The following HCN1 variants were observed in gnomAD, a reference collection of about 807,000 sequenced individuals.
HCN1 encodes the protein potassium/sodium hyperpolarization-activated cyclic nucleotide-gated channel 1.
HCN1 carries 13 observed loss-of-function variants against 78.9 expected under a neutral mutation model. The observed-to-expected ratio is 0.16, with a 90% CI of 0.11 to 0.26. The LOEUF is 0.26. HCN1 is among the 10% of genes least tolerant of loss of function. The pLI is 1.00. For synonymous variants in HCN1, 552 were observed against 455.5 expected, an observed-to-expected ratio of 1.21 and a Z score of -2.70; for missense variants, 810 against 1,154.3, an observed-to-expected ratio of 0.70 and a Z score of 4.32.
intron 3 of HCN1, among the ~76,000 whole-genome samples, chr5:45,401,154 G>T (rs1186973684): frequency 2.6e-5 from 4 of 152,044 alleles, no homozygotes; most frequent in African/African-American, 9.7e-5. Flanking sequence ...TTTTCAGTTT[G>T]ATTTTAAAAT....
chr5:45,303,827 A>G lies in HCN1; in HGVS notation c.1390T>C (p.Phe464Leu). Residue 464 changes from phenylalanine to leucine, a missense_variant, in exon 6 of 8, where the codon TTC becomes CTC. This residue lies in a region of HCN1 where 100 missense variants were observed against 126.8 expected (regional missense o/e 0.79). Transcript: ENST00000303230. ...GTAGCCACCAGTTTCCGACAGTTGA[A>G]GTTGACTATCTCCTAAAGATGTCAA... is the stretch of plus-strand genomic sequence containing the variant. ...NDPLREEIVN[F>L]NCRKLVATMP... 6.2e-7 allele frequency: 1 copy of G among 1,613,198 alleles called. No homozygotes were observed. Among genetic ancestry groups the G allele is most frequent in the African/African-American group, 1.3e-5 (1 of 75,012 alleles).
At position 45,262,056 on chromosome 5, in the gene HCN1, C is replaced by T. The variant is rs1744751166; in HGVS notation, c.2538G>A (p.Ser846=). The change falls in exon 8 of 8, where the codon TCG becomes TCA. Residue 846 remains serine (S), a synonymous_variant. Transcript: ENST00000303230. ...CTCGGTTCGGGGGGATGGCTCCCGA[C>T]GACATCTGTCGGAAGAGGGTGACGC... ...PQRVTLFRQM[S]SGAIPPNRGV... is the part of the protein sequence containing the mutation. The T allele has an allele frequency of 6.2e-7, 1 of 1,613,872 alleles. No homozygotes were observed. The highest frequency in any genetic ancestry group is 8.5e-7 in the Non-Finnish European group (1 of 1,180,000).
chr5:45,574,308 T>C (rs1342705679), intron 2 of HCN1, among the ~76,000 whole-genome samples: 1 of 152,150 alleles, frequency 6.6e-6, no homozygotes, highest in East Asian at 1.9e-4. Flanking sequence ...TTTGGTAATA[T>C]TCATAATATT....
chr5:45,415,575 GTT>G (rs1353340024), intron 3 of HCN1, among the ~76,000 whole-genome samples: 2 of 152,034 alleles, frequency 1.3e-5, no homozygotes, highest in Non-Finnish European at 2.9e-5. Flanking sequence ...GACTCAGTGT[GTT>G]TTCTGGTCTC....
At chr5:45,417,313 T>C (rs893959468) in intron 3 of HCN1, among the ~76,000 whole-genome samples, 5 of 152,026 alleles carry the variant, frequency 3.3e-5, no homozygotes, top group Non-Finnish European at 1.5e-5. Flanking sequence ...TATTTTAGTA[T>C]GTTAAAAAAA....
Position 45,418,084 on chromosome 5 carries a change from T to A in HCN1, c.1012-21374A>T, listed in dbSNP as rs146232330. Among the ~76,000 whole-genome samples the A allele has an allele frequency of 3.2e-4, 48 of 151,966 alleles. 1 individual carries two copies. The East Asian group carries it at 7.2e-3, about 23-fold the overall frequency. On this transcript the variant is annotated intron_variant, in intron 3 of 7. Coordinates refer to ENST00000303230, the MANE Select transcript of HCN1 (RefSeq NM_021072.4). ...GTACCTAAAATAATAAAGTGGCAAT[T>A]TTCTGAGAATTAAATTTTAGGAAAA...
At chr5:45,438,695 A>T (rs1205046109) in intron 3 of HCN1, among the ~76,000 whole-genome samples, 6 of 152,192 alleles carry the variant, frequency 3.9e-5, no homozygotes, top group Non-Finnish European at 8.8e-5. Flanking sequence ...AGTGAGTGAT[A>T]TTAACTACTC....
At chr5:45,482,476 T>G (rs980115168) in intron 2 of HCN1, among the ~76,000 whole-genome samples, 2 of 151,918 alleles carry the variant, frequency 1.3e-5, no homozygotes, top group Admixed American at 1.3e-4. Flanking sequence ...GAAAGAAAAA[T>G]AGCAAAAAGA....
chr5:45,270,164 C>T lies in HCN1; in HGVS notation c.1619-2911G>A, dbSNP rs566666410. On this transcript the variant is annotated intron_variant, in intron 6 of 7. Coordinates refer to ENST00000303230, the MANE Select transcript of HCN1 (RefSeq NM_021072.4). ...GTTGATAGCAACAACTACACACATT[C>T]ATATACTCACACAACAGCATCCAAA... is the stretch of plus-strand genomic sequence containing the variant. Among the ~76,000 whole-genome samples the T allele has an allele frequency of 2.0e-5, 3 of 152,318 alleles. No individual in the cohort carries two copies. In the East Asian group the frequency reaches 5.8e-4, roughly 29 times the overall value.
chr5:45,448,640 T>C (rs745845670), intron 3 of HCN1, among the ~76,000 whole-genome samples: 1 of 152,198 alleles, frequency 6.6e-6, no homozygotes, highest in Non-Finnish European at 1.5e-5. Context: ...TTTTCTGCCA[T>C]TGTTCTGTTA....
intron 2 of HCN1, among the ~76,000 whole-genome samples, chr5:45,638,676 G>A (rs1745398713): frequency 1.3e-5 from 2 of 152,190 alleles, no homozygotes; most frequent in Admixed American, 6.5e-5. Context: ...GCCAAGGTGG[G>A]CAGATCACCT....
At chr5:45,494,661 T>C (rs1042618062) in intron 2 of HCN1, among the ~76,000 whole-genome samples, 3 of 152,048 alleles carry the variant, frequency 2.0e-5, no homozygotes, top group Non-Finnish European at 4.4e-5. Context: ...GTTTTAGACA[T>C]GAAGTCCTTG....
At chr5:45,657,159 T>C (rs2112049962) in intron 1 of HCN1, among the ~76,000 whole-genome samples, 1 of 152,288 alleles carries the variant, frequency 6.6e-6, no homozygotes, top group East Asian at 1.9e-4. Context: ...ACTGAGTTTC[T>C]TTAATTTTCT....
At chr5:45,576,030 G>C (rs899091093) in intron 2 of HCN1, 1 of 151,924 alleles carries the variant, frequency 6.6e-6, no homozygotes, top group Non-Finnish European at 1.5e-5. Context: ...GATGGGAGGA[G>C]GTCAAAATAT....
chr5:45,343,561 T>A (rs1232570292), intron 5 of HCN1, among the ~76,000 whole-genome samples: 1 of 152,162 alleles, frequency 6.6e-6, no homozygotes, highest in Non-Finnish European at 1.5e-5. Context: ...AGGGCTAAAG[T>A]TTTACATTCC....
intron 2 of HCN1, among the ~76,000 whole-genome samples, chr5:45,577,181 C>A (rs539741240): frequency 6.6e-6 from 1 of 151,944 alleles, no homozygotes; most frequent in Non-Finnish European, 1.5e-5. Context: ...TAAAATTATT[C>A]TTGTTTTCAA....
intron 2 of HCN1, among the ~76,000 whole-genome samples, chr5:45,615,120 C>T (rs932380315): frequency 6.6e-6 from 1 of 151,978 alleles, no homozygotes; most frequent in Non-Finnish European, 1.5e-5. Flanking sequence ...GATTTCACTG[C>T]TTTCATTCTA....
At chr5:45,425,325 A>T (rs1426667706) in intron 3 of HCN1, among the ~76,000 whole-genome samples, 2 of 152,218 alleles carry the variant, frequency 1.3e-5, no homozygotes, top group Admixed American at 1.3e-4. Flanking sequence ...ATACCAAGAA[A>T]TTCATTTATT....
rs199622227 is a variant in HCN1, at chr5:45,645,308, T to G, written c.726A>C (p.Gly242=). The change falls in exon 2 of 8, where the codon GGA becomes GGC. Residue 242 remains glycine (G), a synonymous_variant. Coordinates refer to ENST00000303230, the MANE Select transcript of HCN1 (RefSeq NM_021072.4). ...VDYIFLIVEK[G]MDSEVYKTAR... ...CTGTCTTGTAAACTTCAGAATCCAT[T>G]CCTTTTTCTACAATAAGAAAGATAT... The G allele has an allele frequency of 2.3e-5, 37 of 1,613,580 alleles. No individual in the cohort carries two copies. In the Admixed American group the frequency reaches 5.0e-4, roughly 22 times the overall value.
Sources: gnomAD v4.1 joint callset for allele counts (sites outside exome capture counted in the v4.1 genomes callset) on GRCh38, gnomAD v4.1.1 for gene constraint, gnomAD v4.1.1 regional missense constraint, MANE v1.5 for transcripts, NCBI Gene and HGNC (gene_info 2026-07-23, HGNC 2026-07-21) for gene names.